PDPK1: variants seen among roughly 807,000 people sequenced by gnomAD.
PDPK1 encodes 3-phosphoinositide dependent protein kinase 1.
In PDPK1, 7 loss-of-function variants were observed where a neutral mutation model predicts 39.8. That is an observed-to-expected ratio of 0.18 (90% CI 0.10 to 0.33). PDPK1 has a LOEUF of 0.33. PDPK1 is among the 10% of genes least tolerant of loss of function. The pLI, the probability that PDPK1 is intolerant of heterozygous loss-of-function variation, is 1.00. For synonymous variants in PDPK1, 118 were observed against 159.1 expected, an observed-to-expected ratio of 0.74 and a Z score of 1.95; for missense variants, 182 against 384.7, an observed-to-expected ratio of 0.47 and a Z score of 4.41.
Position 2,557,952 on chromosome 16 carries a change from T to G in PDPK1, c.274T>G (p.Ser92Ala), listed in dbSNP as rs746838429. 6.2e-7 allele frequency: 1 copy of G among 1,612,542 alleles called. No homozygotes were observed. Among genetic ancestry groups the G allele is most frequent in the Non-Finnish European group, 8.5e-7 (1 of 1,179,766 alleles). Residue 92 changes from serine (S) to alanine (A), a missense_variant, in exon 2 of 14, where the codon TCT becomes GCT. Ser to Ala is a moderately conservative substitution (Grantham distance 99). Transcript: ENST00000342085. ...FKFGKILGEG[S>A]FSTVVLAREL... The stretch of plus-strand genomic sequence containing the variant: ...GTTTGGGAAAATCCTTGGGGAAGGC[T>G]CTTTTTCCACGGTGAGTATTTGCTG...
intron 1 of PDPK1, among the ~76,000 whole-genome samples, chr16:2,544,477 A>C (rs1222153671): frequency 6.6e-6 from 1 of 152,194 alleles, no homozygotes; most frequent in African/African-American, 2.4e-5. Context: ...TCAAAACCGA[A>C]GAATAGTTGA....
intron 11 of PDPK1, among the ~76,000 whole-genome samples, chr16:2,589,194 GATCTGCCC>G (rs1481403885): frequency 6.6e-6 from 1 of 152,168 alleles, no homozygotes; most frequent in Non-Finnish European, 1.5e-5. Context: ...GACCTCGAGT[GATCTGCCC>G]ACCTCGGCTT....
At chr16:2,586,638 G>C (rs772422786) in intron 10 of PDPK1, 38 bp from the exon 11 acceptor site, 1 of 1,578,980 alleles carries the variant, frequency 6.3e-7, no homozygotes, top group South Asian at 1.1e-5. Context: ...TTAGAGGCAA[G>C]TGAAGGTGCG....
Position 2,553,109 on chromosome 16 carries a change from AC to A in PDPK1, c.25-4593del, listed in dbSNP as rs1200984290. ...AGTGGGGGGCTTGCATGGTGACCCC[AC>A]ACCTGTGAGGTGGGCACTGGTGTTT... On this transcript the variant is annotated intron_variant, in intron 1 of 13. Coordinates refer to ENST00000342085, the MANE Select transcript of PDPK1 (RefSeq NM_002613.5). 2.8e-5 allele frequency among the ~76,000 whole-genome samples: 4 copies of A among 144,512 alleles called. No homozygotes were observed. In the East Asian group the frequency reaches 7.8e-4, roughly 28 times the overall value. The allele number at this position is 144,512 out of a possible 152,430, so 94.8% of individuals were successfully genotyped here.
intron 1 of PDPK1, chr16:2,538,348 G>A (rs971162313): frequency 1.5e-5 from 6 of 390,292 alleles, no homozygotes; most frequent in South Asian, 1.2e-4. Context: ...GGCGGGCGGC[G>A]GCCTGGCCGG....
chr16:2,585,349 C>T (rs553869248), intron 10 of PDPK1, among the ~76,000 whole-genome samples: 2 of 152,320 alleles, frequency 1.3e-5, no homozygotes, highest in African/African-American at 4.8e-5. Flanking sequence ...AGCTCCCAGG[C>T]CAGACCTCAC....
In PDPK1 at chr16:2,600,080, G is replaced by A. The variant is rs1335967324; in HGVS notation, c.*2313G>A. 3.9e-5 allele frequency: 9 copies of A among 233,166 alleles called. No homozygotes were observed. The highest frequency in any genetic ancestry group is 2.5e-3 in the Middle Eastern group (2 of 786). The allele number at this position is 233,166 out of a possible 1,614,324, so 14.4% of individuals were successfully genotyped here. A position where few individuals can be genotyped will look rare whatever the true frequency, so the allele number is the denominator to read the frequency against. ...CTTGCTCTTCCCTTTTGAAAGGCCC[G>A]TGTGTTTTCTTTCCTTACCCTGTGC... On this transcript the variant is annotated 3_prime_UTR_variant, in exon 14 of 14. Coordinates refer to ENST00000342085, the MANE Select transcript of PDPK1 (RefSeq NM_002613.5).
At chr16:2,580,482 T>G (rs1316852162) in intron 7 of PDPK1, among the ~76,000 whole-genome samples, 1 of 136,370 alleles carries the variant, frequency 7.3e-6, no homozygotes, top group Non-Finnish European at 1.6e-5. Context: ...AACTGAACGT[T>G]TATTTGATAC....
chr16:2,588,963 T>G (rs2066932819), intron 11 of PDPK1, among the ~76,000 whole-genome samples: 1 of 152,192 alleles, frequency 6.6e-6, no homozygotes, highest in African/African-American at 2.4e-5. Context: ...CAATATGTTT[T>G]GTTTTTTAAA....
rs1034663981 is a variant in PDPK1 at position 2,599,087 on chromosome 16, C to G, written c.*1320C>G. On this transcript the variant is annotated 3_prime_UTR_variant, in exon 14 of 14. Coordinates refer to ENST00000342085, the MANE Select transcript of PDPK1 (RefSeq NM_002613.5). ...GATGCTTTGGTGGCCTTGCCCCGCT[C>G]TGCAGCACAGACAGGCCAGATGCAT... The G allele has an allele frequency of 8.6e-6, 2 of 233,398 alleles. No individual in the cohort carries two copies. The highest frequency in any genetic ancestry group is 1.7e-5 in the Non-Finnish European group (2 of 118,190). 14.5% of individuals were successfully genotyped at this position (233,398 alleles called of 1,614,324 possible). A position where few individuals can be genotyped will look rare whatever the true frequency, so the allele number is the denominator to read the frequency against.
In PDPK1 at chr16:2,600,048, C is replaced by A; in HGVS notation, c.*2281C>A. On this transcript the variant is annotated 3_prime_UTR_variant, in exon 14 of 14. Transcript: ENST00000342085. ...TTCTGTGGGTCACCTTTCTCCTCAC[C>A]CAGCCCCTTGCTCTTCCCTTTTGAA... 4.5e-6 allele frequency: 1 copy of A among 222,212 alleles called. No homozygotes were observed. Among genetic ancestry groups the A allele is most frequent in the Admixed American group, 5.8e-5 (1 of 17,208 alleles). The allele number at this position is 222,212 out of a possible 1,614,324, so 13.8% of individuals were successfully genotyped here.
chr16:2,602,431 T>A lies in PDPK1; in HGVS notation c.*4664T>A, dbSNP rs1361088027. On this transcript the variant is annotated 3_prime_UTR_variant, in exon 14 of 14. Coordinates refer to ENST00000342085, the MANE Select transcript of PDPK1 (RefSeq NM_002613.5). ...GAACGAGCCTACGTGTGTACCTGAA[T>A]TTTCCCCGTAACTCATTTCTTCCAT... The A allele has an allele frequency of 8.5e-6, 2 of 235,272 alleles. No homozygotes were observed. Among genetic ancestry groups the A allele is most frequent in the African/African-American group, 2.2e-5 (1 of 45,340 alleles). The allele number at this position is 235,272 out of a possible 1,614,324, so 14.6% of individuals were successfully genotyped here. A position where few individuals can be genotyped will look rare whatever the true frequency, so the allele number is the denominator to read the frequency against.
intron 1 of PDPK1, among the ~76,000 whole-genome samples, chr16:2,541,219 T>G (rs2066239343): frequency 6.6e-6 from 1 of 152,182 alleles, no homozygotes; most frequent in Non-Finnish European, 1.5e-5. Flanking sequence ...TCTTGACAGG[T>G]CTTGGCCCTC....
chr16:2,547,307 G>A (rs1483511165), intron 1 of PDPK1, among the ~76,000 whole-genome samples: 2 of 141,034 alleles, frequency 1.4e-5, no homozygotes, highest in African/African-American at 6.1e-5. Context: ...GACTCTGGAC[G>A]CCAGGCTGAG....
rs902763485 is a variant in PDPK1, at chr16:2,602,474, T to A, written c.*4707T>A. 1 of 235,122 alleles carries A rather than the reference T, an allele frequency of 4.3e-6. No homozygotes were observed. The highest frequency in any genetic ancestry group is 2.2e-5 in the African/African-American group (1 of 45,462). 14.6% of individuals were successfully genotyped at this position (235,122 alleles called of 1,614,324 possible). A position where few individuals can be genotyped will look rare whatever the true frequency, so the allele number is the denominator to read the frequency against. On this transcript the variant is annotated 3_prime_UTR_variant, in exon 14 of 14. Coordinates refer to ENST00000342085, the MANE Select transcript of PDPK1 (RefSeq NM_002613.5). ...TCTTCCATATGAAGAAACACCAAACTATGTACAGAGAACTTTTTACAAAAG... is the reference window on the plus strand; with the variant it reads ...TCTTCCATATGAAGAAACACCAAACAATGTACAGAGAACTTTTTACAAAAG...
At chr16:2,538,954 A>G (rs1245908845) in intron 1 of PDPK1, 6 of 389,150 alleles carry the variant, frequency 1.5e-5, no homozygotes, top group South Asian at 6.4e-5. Flanking sequence ...TATGCCTTGT[A>G]TGCGATGTGC....
At position 2,544,121 on chromosome 16, in the gene PDPK1, A is replaced by G. The variant is rs576718455; in HGVS notation, c.24+5985A>G. Among the ~76,000 whole-genome samples, 48 of 152,132 alleles carry G rather than the reference A, an allele frequency of 3.2e-4. No individual in the cohort carries two copies. The South Asian group carries it at 9.8e-3, about 31-fold the overall frequency. ...AGATGCAATTTCTTGTTTTTCTAAT[A>G]TTTTCTATCCACTGTTGGTTGAATC... On this transcript the variant is annotated intron_variant, in intron 1 of 13. Transcript: ENST00000342085.
intron 2 of PDPK1, among the ~76,000 whole-genome samples, chr16:2,558,487 C>CA (rs1194295466): frequency 6.6e-6 from 1 of 150,716 alleles, no homozygotes; most frequent in Non-Finnish European, 1.5e-5. Context: ...CCGAGTTTCA[C>CA]AAACAGGAGT....
At chr16:2,577,754 T>G (rs568497768) in intron 7 of PDPK1, among the ~76,000 whole-genome samples, 1 of 150,000 alleles carries the variant, frequency 6.7e-6, no homozygotes, top group Non-Finnish European at 1.5e-5. Flanking sequence ...TTTTTTTGTT[T>G]TTTGAGACGG....
Sources: allele counts gnomAD v4.1 joint callset (sites outside exome capture counted in the v4.1 genomes callset), GRCh38; gene constraint gnomAD v4.1.1; transcripts MANE v1.5; gene names NCBI Gene and HGNC (gene_info 2026-07-23, HGNC 2026-07-21).